The following SLC8A3 variants were observed in gnomAD, a reference collection of about 807,000 sequenced individuals.
The protein encoded by SLC8A3 is solute carrier family 8 member A3.
In SLC8A3, 37 loss-of-function variants were observed where a neutral mutation model predicts 65.4. That is an observed-to-expected ratio of 0.57 (90% CI 0.44 to 0.74). SLC8A3 has a LOEUF of 0.74. SLC8A3 is among the 30% of genes least tolerant of loss of function. SLC8A3 has a pLI of 0.00. For missense variants in SLC8A3, 1,112 were observed against 1,172.1 expected (o/e 0.95, Z 0.75); for synonymous variants, 461 against 444.5 (o/e 1.04, Z -0.47).
rs368482757 is a variant in SLC8A3 at position 70,044,276 on chromosome 14, T to A, written c.*1671A>T. On this transcript the variant is annotated 3_prime_UTR_variant, in exon 7 of 7. Coordinates refer to ENST00000356921, the MANE Select transcript of SLC8A3 (RefSeq NM_182932.3). ...TTTTGAACCAACCCAACATTTCCACTGGCAACTGTCAACATAGCTTATGAC... is the reference window on the plus strand; with the variant it reads ...TTTTGAACCAACCCAACATTTCCACAGGCAACTGTCAACATAGCTTATGAC... 6.6e-6 allele frequency: 1 copy of A among 152,120 alleles called. No homozygotes were observed. The highest frequency in any genetic ancestry group is 2.1e-4 in the South Asian group (1 of 4,826). The allele number at this position is 152,120 out of a possible 1,614,324, so 9.4% of individuals were successfully genotyped here. A position where few individuals can be genotyped will look rare whatever the true frequency, so the allele number is the denominator to read the frequency against.
At chr14:70,122,663 A>G (rs1237699683) in intron 2 of SLC8A3, among the ~76,000 whole-genome samples, 1 of 152,216 alleles carries the variant, frequency 6.6e-6, no homozygotes, top group Non-Finnish European at 1.5e-5. Context: ...AAACTAAGCA[A>G]AAACAAACAA....
chr14:70,076,672 G>T (rs2139963556), intron 2 of SLC8A3, among the ~76,000 whole-genome samples: 1 of 152,246 alleles, frequency 6.6e-6, no homozygotes, highest in Middle Eastern at 3.4e-3. Flanking sequence ...GATAGCTCCT[G>T]TTTCCCTTCC....
Position 70,049,020 on chromosome 14 carries a change from T to TTCATCC in SLC8A3, c.2130_2135dup (p.Asp711_Glu712dup), listed in dbSNP as rs1348698648. ...AGGAGGGCAGCCTCTCCTCCCCGGA[T>TTCATCC]TCATCCTCATCCTCATCCCCTGCTG... On this transcript the variant is annotated inframe_insertion, in exon 6 of 7. Coordinates refer to ENST00000356921, the MANE Select transcript of SLC8A3 (RefSeq NM_182932.3). The TTCATCC allele has an allele frequency of 6.2e-7, 1 of 1,612,550 alleles. No individual in the cohort carries two copies. The highest frequency in any genetic ancestry group is 1.3e-5 in the African/African-American group (1 of 75,032).
At chr14:70,127,146 C>A (rs1308833420) in intron 2 of SLC8A3, among the ~76,000 whole-genome samples, 1 of 148,480 alleles carries the variant, frequency 6.7e-6, no homozygotes, top group African/African-American at 2.5e-5. Context: ...AATTTACAAG[C>A]AAATTAAACT....
intron 2 of SLC8A3, among the ~76,000 whole-genome samples, chr14:70,073,414 TG>T (rs1890188547): frequency 6.6e-6 from 1 of 152,134 alleles, no homozygotes; most frequent in Non-Finnish European, 1.5e-5. Context: ...TCAAGGGGGC[TG>T]GGGTGAGGGA....
At chr14:70,081,871 T>C (rs1891075203) in intron 2 of SLC8A3, among the ~76,000 whole-genome samples, 3 of 152,232 alleles carry the variant, frequency 2.0e-5, no homozygotes, top group Admixed American at 2.0e-4. Context: ...TGAAGGAGAT[T>C]CTGAAGGTGC....
chr14:70,161,386 G>A (rs1024497223), intron 2 of SLC8A3, among the ~76,000 whole-genome samples: 9 of 148,690 alleles, frequency 6.1e-5, no homozygotes, highest in African/African-American at 2.0e-4. Context: ...CAATCCTACT[G>A]GAAATGCCTC....
rs3053393 is a variant in SLC8A3, at chr14:70,187,599, C to CTGTGTGTG, written c.-63+772_-63+779dup. On this transcript the variant is annotated intron_variant, in intron 1 of 6. Coordinates refer to ENST00000356921, the MANE Select transcript of SLC8A3 (RefSeq NM_182932.3). Reference sequence around the variant, plus strand: ...GCTAGCCTCTGAATCAGGGCTTTGACTGTGTGTGTGTGTGTGTGTGTGTGT... The same window carrying CTGTGTGTG: ...GCTAGCCTCTGAATCAGGGCTTTGACTGTGTGTGTGTGTGTGTGTGTGTGTGTGTGTGT... Among the ~76,000 whole-genome samples the CTGTGTGTG allele has an allele frequency of 6.9e-3, 815 of 118,262 alleles. 7 individuals carry two copies. The highest frequency in any genetic ancestry group is 0.01 in the African/African-American group (304 of 29,602). The allele number at this position is 118,262 out of a possible 152,430, so 77.6% of individuals were successfully genotyped here. A position where few individuals can be genotyped will look rare whatever the true frequency, so the allele number is the denominator to read the frequency against.
chr14:70,153,176 C>A (rs976231598), intron 2 of SLC8A3, among the ~76,000 whole-genome samples: 1 of 152,194 alleles, frequency 6.6e-6, no homozygotes, highest in East Asian at 1.9e-4. Context: ...CCTGGGCTTG[C>A]TGCAACCTGG....
chr14:70,101,435 G>A (rs748752000), intron 2 of SLC8A3, among the ~76,000 whole-genome samples: 7 of 151,902 alleles, frequency 4.6e-5, no homozygotes, highest in African/African-American at 7.3e-5. Flanking sequence ...AAGAAAGAGA[G>A]AAGACTAAAA....
intron 5 of SLC8A3, among the ~76,000 whole-genome samples, 157 bp downstream of exon 5, chr14:70,050,851 G>A (rs764094895): frequency 1.3e-5 from 2 of 152,210 alleles, no homozygotes; most frequent in Admixed American, 6.5e-5. Flanking sequence ...TTTCAGATAC[G>A]CCATGATTCT....
intron 3 of SLC8A3, among the ~76,000 whole-genome samples, chr14:70,056,743 C>T (rs1888166368): frequency 6.6e-6 from 1 of 152,144 alleles, no homozygotes; most frequent in African/African-American, 2.4e-5. Flanking sequence ...ACTGTCATAC[C>T]AACAGCTATA....
intron 2 of SLC8A3, among the ~76,000 whole-genome samples, chr14:70,078,223 A>G (rs903550251): frequency 1.3e-5 from 2 of 152,232 alleles, no homozygotes; most frequent in African/African-American, 4.8e-5. Context: ...CAGTAATATA[A>G]CACATTTAAA....
intron 3 of SLC8A3, among the ~76,000 whole-genome samples, chr14:70,054,407 G>T (rs781721664): frequency 1.8e-4 from 27 of 152,052 alleles, no homozygotes; most frequent in Non-Finnish European, 3.4e-4. Flanking sequence ...GCTAGGAAAA[G>T]AAACATTTCC....
At chr14:70,178,785 G>A (rs890839425) in intron 1 of SLC8A3, among the ~76,000 whole-genome samples, 1 of 152,166 alleles carries the variant, frequency 6.6e-6, no homozygotes, top group African/African-American at 2.4e-5. Context: ...CTAGCTGCTG[G>A]AGATTTAATA....
At chr14:70,139,213 T>C (rs1255290305) in intron 2 of SLC8A3, among the ~76,000 whole-genome samples, 1 of 152,080 alleles carries the variant, frequency 6.6e-6, no homozygotes, top group East Asian at 1.9e-4. Flanking sequence ...AGTTGTTGAC[T>C]AGTAGGGAGA....
chr14:70,054,260 G>T (rs111779356), intron 3 of SLC8A3, among the ~76,000 whole-genome samples: 3 of 151,530 alleles, frequency 2.0e-5, no homozygotes, highest in South Asian at 2.1e-4. Flanking sequence ...GCTTGGGGGT[G>T]GGGGGGTGGT....
At chr14:70,134,788 C>T (rs1471406978) in intron 2 of SLC8A3, among the ~76,000 whole-genome samples, 6 of 152,194 alleles carry the variant, frequency 3.9e-5, no homozygotes, top group Admixed American at 2.0e-4. Context: ...ACACTCAGAA[C>T]TTGCAAGTAG....
At chr14:70,119,805 T>C (rs1893923972) in intron 2 of SLC8A3, among the ~76,000 whole-genome samples, 1 of 152,250 alleles carries the variant, frequency 6.6e-6, no homozygotes, top group Admixed American at 6.5e-5. Context: ...AATGAAATAA[T>C]TCTTGGCACA....
Sources: gnomAD v4.1 joint callset for allele counts (sites outside exome capture counted in the v4.1 genomes callset) on GRCh38, gnomAD v4.1.1 for gene constraint, MANE v1.5 for transcripts, NCBI Gene and HGNC (gene_info 2026-07-23, HGNC 2026-07-21) for gene names.